Variants in NDUFAF7 observed in about 807,000 individuals in gnomAD.
NDUFAF7 encodes the protein NADH:ubiquinone oxidoreductase complex assembly factor 7.
Under a neutral mutation model 47.2 loss-of-function variants are expected in NDUFAF7, and 48 were observed. The observed-to-expected ratio is 1.02, with a 90% CI of 0.81 to 1.29. NDUFAF7 has a LOEUF of 1.29. Among genes scored for constraint, NDUFAF7 ranks in the 50% most tolerant of loss-of-function variants. The probability of loss-of-function intolerance (pLI) is 0.00; values close to 1 mark genes in which losing one functional copy is unlikely to be tolerated. For synonymous variants in NDUFAF7, 217 were observed against 190.0 expected (o/e 1.14, Z -1.17); for missense variants, 635 against 537.6 (o/e 1.18, Z -1.79).
intron 7 of NDUFAF7, 98 bp downstream of exon 7, chr2:37,244,071 G>C: frequency 9.4e-7 from 1 of 1,061,822 alleles, no homozygotes; most frequent in East Asian, 2.6e-5. Flanking sequence ...TTCCTTTACA[G>C]GAAGAGTTGC....
At chr2:37,242,839 C>A in intron 6 of NDUFAF7, 146 bp downstream of exon 6, 8 of 602,722 alleles carry the variant, frequency 1.3e-5, no homozygotes, top group Middle Eastern at 4.0e-4. Context: ...ACAAATAATT[C>A]AAAAGCAAAA....
the NDUFAF7 span, among the ~76,000 whole-genome samples, chr2:37,258,477 C>G: frequency 6.6e-6 from 1 of 152,156 alleles, no homozygotes; most frequent in South Asian, 2.1e-4. Flanking sequence ...GCATAAAAAG[C>G]GTATCAAGTA....
At chr2:37,251,741 C>CT (rs567036244), downstream of NDUFAF7, 83 of 152,078 alleles carry the variant, frequency 5.5e-4, no homozygotes, top group African/African-American at 1.9e-3. Flanking sequence ...AAGGGAGAGG[C>CT]AAGAATGATA....
chr2:37,263,381 G>A, the NDUFAF7 span, among the ~76,000 whole-genome samples: 7 of 152,042 alleles, frequency 4.6e-5, no homozygotes, highest in Admixed American at 4.6e-4. Context: ...CTGCTTTTTT[G>A]AATTAATGAG....
Position 37,237,663 on chromosome 2 carries a change from G to T in NDUFAF7, c.298-94G>T. ...ATGGCTGTACACATTTTGCTTTTTGGCATATAGTGCATATTTATGTGAAAT... is the reference window on the plus strand; with the variant it reads ...ATGGCTGTACACATTTTGCTTTTTGTCATATAGTGCATATTTATGTGAAAT... On this transcript the variant is annotated intron_variant, in intron 3 of 9. Coordinates refer to ENST00000002125, the MANE Select transcript of NDUFAF7 (RefSeq NM_144736.5). 7.2e-6 allele frequency: 7 copies of T among 976,202 alleles called. No homozygotes were observed. In the Middle Eastern group the frequency reaches 1.5e-3, roughly 207 times the overall value. 60.5% of individuals were successfully genotyped at this position (976,202 alleles called of 1,614,324 possible).
At chr2:37,262,296 A>G in the NDUFAF7 span, among the ~76,000 whole-genome samples, 11 of 152,254 alleles carry the variant, frequency 7.2e-5, 1 homozygote, top group Admixed American at 2.6e-4. Flanking sequence ...GACTACTGCA[A>G]TAGTTTCCAC....
At chr2:37,245,228 G>A (rs908462802) in intron 7 of NDUFAF7, among the ~76,000 whole-genome samples, 5 of 152,178 alleles carry the variant, frequency 3.3e-5, no homozygotes, top group Non-Finnish European at 5.9e-5. Flanking sequence ...CTGACTCTAT[G>A]CCTGTTACCA....
At chr2:37,252,831 A>AT (rs1667601476), downstream of NDUFAF7, 3 of 130,766 alleles carry the variant, frequency 2.3e-5, no homozygotes, top group Admixed American at 1.8e-4. Context: ...AAAAACAAAC[A>AT]AACATATATT....
chr2:37,261,664 C>T, the NDUFAF7 span, among the ~76,000 whole-genome samples: 1 of 152,054 alleles, frequency 6.6e-6, no homozygotes, highest in African/African-American at 2.4e-5. Flanking sequence ...CCTGTAATCC[C>T]AGCTACTCGG....
chr2:37,241,917 G>A, intron 5 of NDUFAF7, 126 bp downstream of exon 5: 1 of 782,722 alleles, frequency 1.3e-6, no homozygotes, highest in Non-Finnish European at 2.0e-6. Flanking sequence ...TATCCATAGA[G>A]AGTAGCCTAC....
the NDUFAF7 span, among the ~76,000 whole-genome samples, chr2:37,261,499 G>A: frequency 6.6e-6 from 1 of 150,668 alleles, no homozygotes; most frequent in Non-Finnish European, 1.5e-5. Context: ...ATAAAAAAAA[G>A]GCCGGGCGCG....
intron 2 of NDUFAF7, among the ~76,000 whole-genome samples, chr2:37,233,703 A>G (rs1230924723): frequency 6.6e-6 from 1 of 152,078 alleles, no homozygotes; most frequent in African/African-American, 2.4e-5. Flanking sequence ...TCATCAGCAT[A>G]TAGGTCATAT....
chr2:37,260,450 G>A, the NDUFAF7 span: 3 of 1,395,416 alleles, frequency 2.1e-6, no homozygotes, highest in African/African-American at 4.3e-5. Flanking sequence ...ATATCTAGAT[G>A]TGCTATGATT....
chr2:37,243,778 A>G lies in NDUFAF7; in HGVS notation c.682-85A>G, dbSNP rs542299274. The G allele has an allele frequency of 2.5e-5, 23 of 914,552 alleles. No homozygotes were observed. The African/African-American group carries it at 3.3e-4, about 13-fold the overall frequency. 56.7% of individuals were successfully genotyped at this position (914,552 alleles called of 1,614,324 possible). On this transcript the variant is annotated intron_variant, in intron 6 of 9. Coordinates refer to ENST00000002125, the MANE Select transcript of NDUFAF7 (RefSeq NM_144736.5). ...TCTGTAAATGTTAGTTACTTATGGT[A>G]AGAGGAGAAAAAGCTATTTTTGGTA... is the stretch of plus-strand genomic sequence containing the variant.
intron 8 of NDUFAF7, 84 bp downstream of exon 8, chr2:37,246,279 C>T: frequency 5.5e-6 from 8 of 1,449,740 alleles, no homozygotes; most frequent in Non-Finnish European, 7.7e-6. Flanking sequence ...TCTACAGTGC[C>T]TGGTATTGTT....
At chr2:37,254,411 G>T, downstream of NDUFAF7, 1 of 686,414 alleles carries the variant, frequency 1.5e-6, no homozygotes, top group Non-Finnish European at 2.6e-6. Context: ...TGCTTCTCAA[G>T]GACGTGGACT....
chr2:37,236,228 G>A (rs1227993293), intron 3 of NDUFAF7, 52 bp downstream of exon 3: 2 of 1,402,068 alleles, frequency 1.4e-6, no homozygotes, highest in Non-Finnish European at 2.0e-6. Context: ...TTTGAGAGCA[G>A]ATCAAATTGT....
intron 2 of NDUFAF7, 61 bp from the exon 3 acceptor site, chr2:37,236,035 G>A: frequency 7.7e-7 from 1 of 1,300,472 alleles, no homozygotes; most frequent in South Asian, 1.2e-5. Flanking sequence ...TTTTGGAGGG[G>A]TATTTTTAAA....
intron 8 of NDUFAF7, among the ~76,000 whole-genome samples, chr2:37,246,517 CTTCA>C (rs1558505124): frequency 6.6e-6 from 1 of 152,168 alleles, no homozygotes; most frequent in African/African-American, 2.4e-5. Flanking sequence ...CTGTAACCCC[CTTCA>C]TTCAAGAAAA....
Sources: allele counts gnomAD v4.1 joint callset (sites outside exome capture counted in the v4.1 genomes callset), GRCh38; gene constraint gnomAD v4.1.1; transcripts MANE v1.5; gene names NCBI Gene and HGNC (gene_info 2026-07-23, HGNC 2026-07-21).